The following NR2C1 variants were observed in gnomAD, a reference collection of about 807,000 sequenced individuals.
NR2C1 encodes TR2 nuclear hormone receptor.
NR2C1 carries 33 observed loss-of-function variants against 74.8 expected under a neutral mutation model. The observed-to-expected ratio is 0.44, with a 90% CI of 0.33 to 0.59. The LOEUF (loss-of-function observed/expected upper bound fraction) is 0.59, where lower values mean the gene tolerates loss of function less well. Ranked by LOEUF, NR2C1 falls within the 20% of genes least tolerant of loss-of-function variation. NR2C1 has a pLI of 0.02. For missense variants in NR2C1, 568 were observed against 715.6 expected (o/e 0.79, Z 2.35); for synonymous variants, 225 against 240.6 (o/e 0.94, Z 0.60).
At chr12:95,025,664 A>G (rs1337599330) in intron 12 of NR2C1, among the ~76,000 whole-genome samples, 2 of 149,962 alleles carry the variant, frequency 1.3e-5, no homozygotes, top group East Asian at 3.9e-4. Flanking sequence ...GTCTTAAAAA[A>G]AAAAAAAAAA....
chr12:95,054,823 T>C (rs1416282962), intron 7 of NR2C1, among the ~76,000 whole-genome samples: 1 of 152,122 alleles, frequency 6.6e-6, no homozygotes, highest in African/African-American at 2.4e-5. Flanking sequence ...GGCAGGGTCA[T>C]AGGACAATAG....
At chr12:95,071,240 T>C (rs1467234983) in intron 1 of NR2C1, among the ~76,000 whole-genome samples, 4 of 152,128 alleles carry the variant, frequency 2.6e-5, no homozygotes, top group African/African-American at 9.7e-5. Flanking sequence ...AATAGTTTTT[T>C]ACCCAGTCTT....
At chr12:95,042,600 A>C (rs1382937475) in intron 9 of NR2C1, among the ~76,000 whole-genome samples, 2 of 152,142 alleles carry the variant, frequency 1.3e-5, no homozygotes, top group Non-Finnish European at 2.9e-5. Flanking sequence ...AAACAAAGAA[A>C]AGTTACATAA....
chr12:95,031,230 A>G, intron 11 of NR2C1, 119 bp downstream of exon 11: 3 of 788,174 alleles, frequency 3.8e-6, no homozygotes, highest in Non-Finnish European at 5.5e-6. Context: ...AAGTAAGAAG[A>G]GCATTGGTAC....
intron 11 of NR2C1, 118 bp from the exon 12 acceptor site, chr12:95,028,642 G>A: frequency 1.3e-6 from 1 of 745,508 alleles, no homozygotes; most frequent in Non-Finnish European, 2.2e-6. Flanking sequence ...AATTTTTTTT[G>A]AGACAGGGTT....
At chr12:95,023,024 C>T (rs568498434) in intron 13 of NR2C1, among the ~76,000 whole-genome samples, 52 of 151,970 alleles carry the variant, frequency 3.4e-4, no homozygotes, top group African/African-American at 1.2e-3. Context: ...TTAAGAATGG[C>T]GGCTGGGTGC....
intron 9 of NR2C1, among the ~76,000 whole-genome samples, chr12:95,042,014 A>C (rs1565848109): frequency 6.6e-6 from 1 of 152,220 alleles, no homozygotes. Flanking sequence ...CAGACATCCA[A>C]GTGGAAAAAA....
rs183887568 is a variant in NR2C1, at chr12:95,072,153, C to A, written c.-8+1227G>T. ...CATCGGCCGGGCGCGGTGGCTCACGCCTGTAATCCCAGTACTTTGGGAGGC... is the reference window on the plus strand; with the variant it reads ...CATCGGCCGGGCGCGGTGGCTCACGACTGTAATCCCAGTACTTTGGGAGGC... On this transcript the variant is annotated intron_variant, in intron 1 of 13. Transcript: ENST00000333003. Among the ~76,000 whole-genome samples, 43 of 151,426 alleles carry A rather than the reference C, an allele frequency of 2.8e-4. 1 individual carries two copies. The East Asian group carries it at 8.1e-3, about 29-fold the overall frequency.
intron 10 of NR2C1, among the ~76,000 whole-genome samples, chr12:95,032,582 A>G (rs1870280375): frequency 6.6e-6 from 1 of 152,214 alleles, no homozygotes; most frequent in Non-Finnish European, 1.5e-5. Flanking sequence ...AAATTAGGCA[A>G]ACTTCCCAGG....
At chr12:95,061,955 C>T (rs1874849122) in intron 3 of NR2C1, among the ~76,000 whole-genome samples, 1 of 152,186 alleles carries the variant, frequency 6.6e-6, no homozygotes, top group South Asian at 2.1e-4. Flanking sequence ...CCCATGACTG[C>T]ACTGCTTGCT....
At chr12:95,068,258 A>AT (rs1449642900) in intron 1 of NR2C1, among the ~76,000 whole-genome samples, 2 of 152,144 alleles carry the variant, frequency 1.3e-5, no homozygotes, top group Non-Finnish European at 2.9e-5. Context: ...GACATCAGTT[A>AT]TTTTGGATTA....
At chr12:95,031,639 T>C (rs1870122819) in intron 10 of NR2C1, 151 bp from the exon 11 acceptor site, 1 of 516,312 alleles carries the variant, frequency 1.9e-6, no homozygotes, top group Non-Finnish European at 3.1e-6. Flanking sequence ...GTATAGCTGA[T>C]AACAAAATGA....
rs181921013 is a variant in NR2C1 at position 95,057,495 on chromosome 12, T to G, written c.783+58A>C. 1.6e-5 allele frequency: 20 copies of G among 1,260,694 alleles called. No individual in the cohort carries two copies. The East Asian group carries it at 4.7e-4, about 30-fold the overall frequency. The allele number at this position is 1,260,694 out of a possible 1,614,324, so 78.1% of individuals were successfully genotyped here. Reference sequence around the variant, plus strand: ...CAATTTACCAAAGCAAAGGAAGTGATTAGAAAACATTTTAAAATGCTTAAA... The same window carrying G: ...CAATTTACCAAAGCAAAGGAAGTGAGTAGAAAACATTTTAAAATGCTTAAA... On this transcript the variant is annotated intron_variant, in intron 7 of 13. Coordinates refer to ENST00000333003, the MANE Select transcript of NR2C1 (RefSeq NM_003297.4).
chr12:95,073,325 C>T (rs1455367398), intron 1 of NR2C1, 55 bp downstream of exon 1: 1 of 152,128 alleles, frequency 6.6e-6, no homozygotes, highest in Admixed American at 6.5e-5. Context: ...TGAAGGGCAC[C>T]CCCTGGCCCC....
At chr12:95,036,272 T>TTA (rs1555205814) in intron 10 of NR2C1, among the ~76,000 whole-genome samples, 1 of 127,232 alleles carries the variant, frequency 7.9e-6, no homozygotes, top group African/African-American at 3.0e-5. Context: ...ATGTTGAGAT[T>TTA]AAAAAAAAAA....
chr12:95,023,450 T>C (rs11107863), intron 13 of NR2C1, among the ~76,000 whole-genome samples: 1 of 152,350 alleles, frequency 6.6e-6, no homozygotes, highest in East Asian at 1.9e-4. Context: ...TTTTGTGTTA[T>C]CAGGACATAA....
chr12:95,066,101 G>C (rs1252323885), intron 2 of NR2C1, among the ~76,000 whole-genome samples: 1 of 152,184 alleles, frequency 6.6e-6, no homozygotes, highest in Non-Finnish European at 1.5e-5. Context: ...ATGTAGTGCA[G>C]AGAGTGGCTT....
chr12:95,073,303 T>G (rs549630415), intron 1 of NR2C1, 77 bp downstream of exon 1: 2 of 152,242 alleles, frequency 1.3e-5, no homozygotes, highest in African/African-American at 4.8e-5. Flanking sequence ...CCGCGTCCGT[T>G]GGCGGTTGGG....
chr12:95,037,358 A>G (rs1870972602), intron 10 of NR2C1, among the ~76,000 whole-genome samples: 1 of 152,276 alleles, frequency 6.6e-6, no homozygotes, highest in Non-Finnish European at 1.5e-5. Flanking sequence ...TGTAAAATAC[A>G]GAAGCCTTGT....
Sources: gnomAD v4.1 joint callset for allele counts (sites outside exome capture counted in the v4.1 genomes callset) on GRCh38, gnomAD v4.1.1 for gene constraint, MANE v1.5 for transcripts, NCBI Gene and HGNC (gene_info 2026-07-23, HGNC 2026-07-21) for gene names.